Variants in TAF2 observed in about 807,000 individuals in gnomAD.
The protein encoded by TAF2 is TATA-box binding protein associated factor 2, also known as transcription initiation factor TFIID subunit 2.
A neutral mutation model predicts 138.5 loss-of-function variants in TAF2; 61 were observed. The ratio of observed to expected loss-of-function variants is 0.44; its 90% CI spans 0.36 to 0.54. TAF2 has a LOEUF of 0.54. Among genes scored for constraint, TAF2 ranks in the 20% least tolerant of loss-of-function variants. The pLI, the probability that TAF2 is intolerant of heterozygous loss-of-function variation, is 0.00. For missense variants in TAF2, 1,090 were observed against 1,427.9 expected (o/e 0.76, Z 3.81); for synonymous variants, 475 against 469.9 (o/e 1.01, Z -0.14).
chr8:119,758,034 A>C (rs376526986), intron 21 of TAF2, 39 bp downstream of exon 21: 43 of 1,531,116 alleles, frequency 2.8e-5, no homozygotes, highest in Middle Eastern at 3.4e-4. Flanking sequence ...TCACTATAGG[A>C]CTTACAAAAT....
chr8:119,812,079 G>C (rs541854305), intron 3 of TAF2, among the ~76,000 whole-genome samples: 2 of 151,964 alleles, frequency 1.3e-5, no homozygotes, highest in Non-Finnish European at 2.9e-5. Flanking sequence ...TTTGTTGCAC[G>C]CAAGTTTTTA....
chr8:119,795,682 G>T, intron 8 of TAF2, 51 bp from the exon 9 acceptor site: 1 of 1,474,966 alleles, frequency 6.8e-7, no homozygotes, highest in Non-Finnish European at 9.5e-7. Context: ...AAACTCCTCA[G>T]ATAATGTCAA....
rs758081713 is a variant in TAF2 at position 119,803,925 on chromosome 8, T to A, written c.513A>T (p.Ala171=). The A allele has an allele frequency of 1.9e-6, 3 of 1,614,084 alleles. No individual in the cohort carries two copies. The East Asian group carries it at 6.7e-5, about 36-fold the overall frequency. ...AAGAGAAAACATGAGCACCTCTCTC[T>A]GCCATACTTCCCTCTACACTGGGTA... ...FVVPSVEGSM[A]ERGAHVFSCG... The change falls in exon 5 of 26, where the codon GCA becomes GCT. Residue 171 remains alanine, a synonymous_variant. Coordinates refer to ENST00000378164, the MANE Select transcript of TAF2 (RefSeq NM_003184.4).
At chr8:119,789,138 A>G (rs1038334314) in intron 12 of TAF2, among the ~76,000 whole-genome samples, 1 of 152,206 alleles carries the variant, frequency 6.6e-6, no homozygotes, top group African/African-American at 2.4e-5. Flanking sequence ...AAGAAGCAGA[A>G]CCACTATACA....
intron 22 of TAF2, among the ~76,000 whole-genome samples, chr8:119,750,386 G>A (rs1191841943): frequency 2.6e-5 from 4 of 152,178 alleles, no homozygotes; most frequent in Admixed American, 2.6e-4. Flanking sequence ...TAAAAAAGCT[G>A]CTAAGAAGAA....
At chr8:119,772,184 A>C (rs1821888156) in intron 18 of TAF2, among the ~76,000 whole-genome samples, 1 of 152,246 alleles carries the variant, frequency 6.6e-6, no homozygotes, top group South Asian at 2.1e-4. Context: ...AGCAATGCTA[A>C]GAGTAAAGTT....
chr8:119,758,217 GT>G, intron 20 of TAF2, 75 bp from the exon 21 acceptor site: 1 of 1,297,360 alleles, frequency 7.7e-7, no homozygotes, highest in Non-Finnish European at 1.1e-6. Flanking sequence ...CAAGCAGGGA[GT>G]TTACATTTAA....
At chr8:119,781,252 A>T in intron 16 of TAF2, 59 bp from the exon 17 acceptor site, 1 of 1,596,528 alleles carries the variant, frequency 6.3e-7, no homozygotes, top group South Asian at 1.1e-5. Context: ...ACTTTAAAAT[A>T]AAACAGCTTC....
chr8:119,732,613 G>A (rs1392731788), intron 25 of TAF2, among the ~76,000 whole-genome samples: 1 of 152,064 alleles, frequency 6.6e-6, no homozygotes, highest in Non-Finnish European at 1.5e-5. Flanking sequence ...AAACCAGCCT[G>A]GCCAACGTGG....
At chr8:119,812,811 C>CATA (rs199936538) in intron 3 of TAF2, among the ~76,000 whole-genome samples, 1 of 151,884 alleles carries the variant, frequency 6.6e-6, no homozygotes, top group Non-Finnish European at 1.5e-5. Context: ...TATACATACA[C>CATA]CACACATACA....
chr8:119,738,654 A>T (rs1819392000), intron 25 of TAF2, among the ~76,000 whole-genome samples: 1 of 152,174 alleles, frequency 6.6e-6, no homozygotes, highest in Non-Finnish European at 1.5e-5. Flanking sequence ...AAAATGCACC[A>T]TGGATAAGGG....
chr8:119,793,629 C>A (rs1823600402), intron 9 of TAF2, among the ~76,000 whole-genome samples, 178 bp from the exon 10 acceptor site: 1 of 152,178 alleles, frequency 6.6e-6, no homozygotes, highest in Admixed American at 6.5e-5. Context: ...GCAGCCTACA[C>A]AGCTGGCAGA....
chr8:119,788,570 C>A, intron 13 of TAF2, 123 bp from the exon 14 acceptor site: 1 of 552,758 alleles, frequency 1.8e-6, no homozygotes, highest in Non-Finnish European at 2.9e-6. Context: ...ATCTGGAGAC[C>A]TAGATAGGCA....
chr8:119,804,487 T>C (rs1280269792), intron 4 of TAF2, among the ~76,000 whole-genome samples: 1 of 152,150 alleles, frequency 6.6e-6, no homozygotes, highest in Admixed American at 6.5e-5. Context: ...CAGGGGCAAG[T>C]CTTTCCCTTG....
At chr8:119,827,639 C>T (rs1163223863) in intron 2 of TAF2, among the ~76,000 whole-genome samples, 2 of 151,972 alleles carry the variant, frequency 1.3e-5, no homozygotes, top group African/African-American at 2.4e-5. Context: ...AATTAGTAGA[C>T]AATGTATCTC....
rs532637949 is a variant in TAF2 at position 119,819,522 on chromosome 8, A to C, written c.139-16T>G. The stretch of plus-strand genomic sequence containing the variant: ...CCACAAATCCCTGTAAAGATAGAGA[A>C]TAACAACTTCATTATAAAGACTGGT... On this transcript the variant is annotated splice_polypyrimidine_tract_variant and intron_variant, in intron 2 of 25. Coordinates refer to ENST00000378164, the MANE Select transcript of TAF2 (RefSeq NM_003184.4). 6.3e-7 allele frequency: 1 copy of C among 1,592,224 alleles called. No homozygotes were observed. The highest frequency in any genetic ancestry group is 2.2e-5 in the East Asian group (1 of 44,698).
intron 25 of TAF2, among the ~76,000 whole-genome samples, chr8:119,739,797 A>G (rs1819476107): frequency 6.6e-6 from 1 of 150,718 alleles, no homozygotes; most frequent in South Asian, 2.1e-4. Context: ...CGCCTTACTA[A>G]AAAGCCTCTC....
At chr8:119,808,614 C>A (rs192465134) in intron 3 of TAF2, among the ~76,000 whole-genome samples, 1 of 152,156 alleles carries the variant, frequency 6.6e-6, no homozygotes, top group Non-Finnish European at 1.5e-5. Flanking sequence ...TGGCAACTAT[C>A]GCCTTATGAA....
chr8:119,734,391 A>C (rs1159825807), intron 25 of TAF2, among the ~76,000 whole-genome samples: 1 of 152,218 alleles, frequency 6.6e-6, no homozygotes, highest in Non-Finnish European at 1.5e-5. Context: ...GATCCAAACC[A>C]GCCCCCAAAT....
Sources: allele counts gnomAD v4.1 joint callset (sites outside exome capture counted in the v4.1 genomes callset), GRCh38; gene constraint gnomAD v4.1.1; transcripts MANE v1.5; gene names NCBI Gene and HGNC (gene_info 2026-07-23, HGNC 2026-07-21).